PDZD2: variants seen among roughly 807,000 people sequenced by gnomAD.
The protein encoded by PDZD2 is PDZ domain-containing protein 2.
Under a neutral mutation model 220.7 loss-of-function variants are expected in PDZD2, and 90 were observed. That is an observed-to-expected ratio of 0.41 (90% CI 0.34 to 0.49). The LOEUF is 0.49. Ranked by LOEUF, PDZD2 falls within the 20% of genes least tolerant of loss-of-function variation. The pLI is 0.28. For missense variants in PDZD2, 3,174 were observed against 3,608.5 expected, an observed-to-expected ratio of 0.88 and a Z score of 3.08; for synonymous variants, 1,375 against 1,450.5, an observed-to-expected ratio of 0.95 and a Z score of 1.18.
In PDZD2 at chr5:32,088,511, A is replaced by G; in HGVS notation, c.5063A>G (p.His1688Arg). ...GCGGACATAAGCACTTCACAGAACC[A>G]CAGGCCCTCGTGTGCAGAAGAAACC... ...THADISTSQN[H>R]RPSCAEETTE... Residue 1688 changes from histidine (H) to arginine (R), a missense_variant, in exon 20 of 25, where the codon CAC (histidine) becomes CGC (arginine). This residue lies in a region of PDZD2 where 1,861 missense variants were observed against 2,001.0 expected (regional missense o/e 0.93). Transcript: ENST00000438447. This position sits in a 1 kb window ranked among gnomAD's most constrained non-coding sequence, Gnocchi z 4.6. 2.5e-6 allele frequency: 4 copies of G among 1,614,138 alleles called. No individual in the cohort carries two copies. The highest frequency in any genetic ancestry group is 2.5e-6 in the Non-Finnish European group (3 of 1,180,004).
intron 14 of PDZD2, among the ~76,000 whole-genome samples, chr5:32,064,413 T>C (rs2112357179): frequency 6.6e-6 from 1 of 151,994 alleles, no homozygotes; most frequent in Middle Eastern, 3.4e-3. Context: ...AACTAATCTT[T>C]TGTATTTTTA....
At chr5:31,771,973 A>G (rs1030613943) in intron 1 of PDZD2, among the ~76,000 whole-genome samples, 5 of 152,330 alleles carry the variant, frequency 3.3e-5, no homozygotes, top group Middle Eastern at 3.4e-3. Flanking sequence ...ATATGGAATC[A>G]CAATGTGTAA....
intron 1 of PDZD2, among the ~76,000 whole-genome samples, chr5:31,684,021 G>A (rs1194026712): frequency 6.6e-6 from 1 of 151,982 alleles, no homozygotes; most frequent in African/African-American, 2.4e-5. Flanking sequence ...GAACTTGAGT[G>A]TTTTTCCCCA....
intron 1 of PDZD2, among the ~76,000 whole-genome samples, chr5:31,769,051 G>T (rs1343621903): frequency 6.6e-6 from 1 of 152,208 alleles, no homozygotes; most frequent in East Asian, 1.9e-4. Flanking sequence ...AGTGGGGATG[G>T]AATTCGGTTT....
intron 1 of PDZD2, among the ~76,000 whole-genome samples, chr5:31,757,142 TG>T (rs1385286273): frequency 1.3e-5 from 2 of 152,004 alleles, no homozygotes; most frequent in Non-Finnish European, 2.9e-5. Context: ...AAAAATTAGC[TG>T]GGCATGGTGG....
intron 2 of PDZD2, among the ~76,000 whole-genome samples, chr5:31,906,636 A>G (rs1485458188): frequency 6.6e-6 from 1 of 152,124 alleles, no homozygotes; most frequent in Non-Finnish European, 1.5e-5. Flanking sequence ...TGAGGTCAGG[A>G]GTTCCAGACC....
chr5:31,836,975 G>A (rs569690161), intron 2 of PDZD2, among the ~76,000 whole-genome samples: 12 of 151,622 alleles, frequency 7.9e-5, no homozygotes, highest in East Asian at 5.8e-4. Context: ...CCAAGATCAC[G>A]CCATTGCATT....
chr5:31,681,766 T>C (rs953164264), intron 1 of PDZD2, among the ~76,000 whole-genome samples: 15 of 152,306 alleles, frequency 9.8e-5, no homozygotes, highest in African/African-American at 3.6e-4. Context: ...TTGAAGATAC[T>C]GACAAGCTGA....
intron 24 of PDZD2, chr5:32,104,002 G>GC (rs1442090308): frequency 6.6e-6 from 1 of 152,246 alleles, no homozygotes; most frequent in Admixed American, 6.5e-5. Context: ...ACAGACTAGC[G>GC]CTTTAGATGC....
chr5:31,896,763 C>G (rs1445729014), intron 2 of PDZD2, among the ~76,000 whole-genome samples: 1 of 152,200 alleles, frequency 6.6e-6, no homozygotes, highest in African/African-American at 2.4e-5. Flanking sequence ...AGTTCGAGAC[C>G]AGCTCTGGCA....
At chr5:31,750,441 G>C (rs529513462) in intron 1 of PDZD2, among the ~76,000 whole-genome samples, 1 of 152,312 alleles carries the variant, frequency 6.6e-6, no homozygotes, top group East Asian at 1.9e-4. Context: ...ATGCAGGAAC[G>C]CTACAGCGAA....
intron 6 of PDZD2, among the ~76,000 whole-genome samples, chr5:32,027,611 C>T (rs377129441): frequency 7.2e-5 from 11 of 152,296 alleles, no homozygotes; most frequent in South Asian, 2.1e-4. Flanking sequence ...TACCAGAGCA[C>T]GCCCAGGGTT....
At chr5:31,697,595 G>C (rs1286546246) in intron 1 of PDZD2, among the ~76,000 whole-genome samples, 1 of 152,210 alleles carries the variant, frequency 6.6e-6, no homozygotes, top group East Asian at 1.9e-4. Flanking sequence ...ACTTTCTTCT[G>C]TGTCTCTTTG....
rs542525620 is a variant in PDZD2, at chr5:32,010,189, G to C, written c.1255-141G>C. The C allele has an allele frequency of 3.1e-5, 19 of 605,638 alleles. No individual in the cohort carries two copies. The South Asian group carries it at 5.3e-4, about 17-fold the overall frequency. 37.5% of individuals were successfully genotyped at this position (605,638 alleles called of 1,614,324 possible). ...TTGGGTCCACACCCCTGGCCTTTGAGGTAACCTTGCAGACACAGAACATTT... is the reference window on the plus strand; with the variant it reads ...TTGGGTCCACACCCCTGGCCTTTGACGTAACCTTGCAGACACAGAACATTT... On this transcript the variant is annotated intron_variant, in intron 5 of 24. Coordinates refer to ENST00000438447, the MANE Select transcript of PDZD2 (RefSeq NM_178140.4).
At chr5:31,641,518 T>C (rs253905) in intron 1 of PDZD2, among the ~76,000 whole-genome samples, 9,855 of 151,502 alleles carry the variant, frequency 0.065, 654 homozygotes, top group East Asian at 0.27. Context: ...GGAACTTAGT[T>C]CTCCAGATAG....
At chr5:31,768,376 C>T (rs1752148271) in intron 1 of PDZD2, among the ~76,000 whole-genome samples, 1 of 152,116 alleles carries the variant, frequency 6.6e-6, no homozygotes, top group South Asian at 2.1e-4. Flanking sequence ...GGCTCAGTGG[C>T]TCATGTCTGT....
intron 2 of PDZD2, among the ~76,000 whole-genome samples, chr5:31,827,911 C>T (rs918359592): frequency 2.0e-5 from 3 of 152,056 alleles, no homozygotes; most frequent in Admixed American, 2.0e-4. Context: ...TCTCCAAGCC[C>T]CTGGAAACCT....
Position 31,639,754 on chromosome 5 carries a change from C to T in PDZD2, c.-361+317C>T, listed in dbSNP as rs867677807. ...GTACTCAAGACAGGGCCGGGACCTC[C>T]TGCTCGGGCGCGCATCCCGGGTCCC... is the stretch of plus-strand genomic sequence containing the variant. On this transcript the variant is annotated intron_variant, in intron 1 of 24. Coordinates refer to ENST00000438447, the MANE Select transcript of PDZD2 (RefSeq NM_178140.4). This position sits in a 1 kb window ranked among gnomAD's most constrained non-coding sequence, Gnocchi z 4.1. Among the ~76,000 whole-genome samples the T allele has an allele frequency of 6.6e-6, 1 of 152,162 alleles. No individual in the cohort carries two copies. Among genetic ancestry groups the T allele is most frequent in the South Asian group, 2.1e-4 (1 of 4,818 alleles).
intron 6 of PDZD2, among the ~76,000 whole-genome samples, chr5:32,014,358 A>C (rs1490559918): frequency 2.0e-5 from 3 of 152,200 alleles, no homozygotes; most frequent in African/African-American, 2.4e-5. Context: ...GAGCAATGAG[A>C]TTTTCCTCTC....
Sources: allele counts gnomAD v4.1 joint callset (sites outside exome capture counted in the v4.1 genomes callset), GRCh38; gene constraint gnomAD v4.1.1; regional missense constraint gnomAD v4.1.1; non-coding constraint Gnocchi (gnomAD v3.1); transcripts MANE v1.5; gene names NCBI Gene and HGNC (gene_info 2026-07-23, HGNC 2026-07-21).